The following FRMD3 variants were observed in gnomAD, a reference collection of about 807,000 sequenced individuals.
FRMD3 encodes the protein FERM domain containing 3, also known as FERM domain-containing protein 3.
In FRMD3, 33 loss-of-function variants were observed where a neutral mutation model predicts 70.2. The ratio of observed to expected loss-of-function variants is 0.47; its 90% CI spans 0.36 to 0.63. FRMD3 has a LOEUF of 0.63. Among genes scored for constraint, FRMD3 ranks in the 20% least tolerant of loss-of-function variants. The pLI is 0.00. For synonymous variants in FRMD3, 279 were observed against 255.9 expected, an observed-to-expected ratio of 1.09 and a Z score of -0.86; for missense variants, 632 against 711.4, an observed-to-expected ratio of 0.89 and a Z score of 1.27.
At chr9:83,365,945 G>A (rs1212965568) in intron 3 of FRMD3, among the ~76,000 whole-genome samples, 1 of 152,092 alleles carries the variant, frequency 6.6e-6, no homozygotes, top group Non-Finnish European at 1.5e-5. Flanking sequence ...TAAGGCCATG[G>A]CAGGAACCAC....
chr9:83,574,678 G>A, the FRMD3 span, among the ~76,000 whole-genome samples: 1 of 152,118 alleles, frequency 6.6e-6, no homozygotes, highest in East Asian at 1.9e-4. Context: ...AGGTTAGCAA[G>A]GTGGCTTTCT....
At chr9:83,331,396 C>T (rs771360948) in intron 6 of FRMD3, among the ~76,000 whole-genome samples, 2 of 152,048 alleles carry the variant, frequency 1.3e-5, no homozygotes, top group Non-Finnish European at 1.5e-5. Flanking sequence ...CTGGGTAAGG[C>T]AAAAGCTATA....
intron 6 of FRMD3, among the ~76,000 whole-genome samples, chr9:83,333,281 C>G (rs1823453895): frequency 6.6e-6 from 1 of 152,210 alleles, no homozygotes; most frequent in Non-Finnish European, 1.5e-5. Flanking sequence ...CAACTCCCAA[C>G]TCTTCACAAA....
chr9:83,409,767 C>T (rs1230859411), intron 1 of FRMD3, among the ~76,000 whole-genome samples: 1 of 152,190 alleles, frequency 6.6e-6, no homozygotes, highest in African/African-American at 2.4e-5. Flanking sequence ...AGAGCTGGAC[C>T]CAGGACATGA....
intron 6 of FRMD3, among the ~76,000 whole-genome samples, chr9:83,328,051 AG>A (rs1836091669): frequency 6.6e-6 from 1 of 152,198 alleles, no homozygotes; most frequent in Non-Finnish European, 1.5e-5. Context: ...CAAGGCTTAT[AG>A]GAGAGCAGCA....
rs1464440662 is a variant in FRMD3, at chr9:83,248,349, G to C, written c.1363C>G (p.Pro455Ala). 6.2e-7 allele frequency: 1 copy of C among 1,614,128 alleles called. No individual in the cohort carries two copies. The highest frequency in any genetic ancestry group is 1.3e-5 in the African/African-American group (1 of 75,030). The change falls in exon 14 of 14, where the codon CCC becomes GCC. Residue 455 changes from proline to alanine, a missense_variant. By Grantham distance (27) the Pro-to-Ala change is conservative. This residue lies in a region of FRMD3 where 418 missense variants were observed against 442.1 expected (regional missense o/e 0.95). Transcript: ENST00000304195. ...LVYNPSASLL[P>A]TPVDDDEIDM... ...ATCTCATCGTCATCCACAGGGGTGG[G>C]GAGCAGGCTGGCACTTGGGTTGTAC...
intron 1 of FRMD3, among the ~76,000 whole-genome samples, chr9:83,500,493 T>G (rs1829038384): frequency 8.4e-6 from 1 of 118,518 alleles, no homozygotes; most frequent in Admixed American, 8.6e-5. Context: ...GTGCTTGGCG[T>G]GTATGCGCGC....
intron 1 of FRMD3, among the ~76,000 whole-genome samples, chr9:83,427,571 A>G (rs946951723): frequency 6.6e-6 from 1 of 152,212 alleles, no homozygotes; most frequent in Non-Finnish European, 1.5e-5. Flanking sequence ...CCTAATAGGT[A>G]CAAGCAAGAA....
chr9:83,285,198 C>G (rs1834153675), intron 13 of FRMD3, among the ~76,000 whole-genome samples: 1 of 152,184 alleles, frequency 6.6e-6, no homozygotes. Context: ...ACACACTTGC[C>G]ATCACATGCA....
intron 1 of FRMD3, among the ~76,000 whole-genome samples, chr9:83,458,332 C>T (rs943283907): frequency 6.6e-6 from 1 of 152,214 alleles, no homozygotes; most frequent in East Asian, 1.9e-4. Context: ...TTTCTACAAG[C>T]ATTAAGTAAA....
intron 13 of FRMD3, among the ~76,000 whole-genome samples, chr9:83,287,168 G>A (rs1834251965): frequency 6.6e-6 from 1 of 152,168 alleles, no homozygotes; most frequent in African/African-American, 2.4e-5. Context: ...TGGTTCCTGT[G>A]TAGTCTGTGC....
At chr9:83,254,874 C>T (rs2092036489) in intron 13 of FRMD3, among the ~76,000 whole-genome samples, 1 of 152,064 alleles carries the variant, frequency 6.6e-6, no homozygotes, top group African/African-American at 2.4e-5. Flanking sequence ...GAAATTGAGG[C>T]TGTAATAAAT....
At chr9:83,554,717 T>A in the FRMD3 span, among the ~76,000 whole-genome samples, 1 of 152,200 alleles carries the variant, frequency 6.6e-6, no homozygotes, top group Non-Finnish European at 1.5e-5. Flanking sequence ...AGGCTTTTGG[T>A]TGCCTCCGGA....
At chr9:83,412,269 TAC>T (rs1446329425) in intron 1 of FRMD3, among the ~76,000 whole-genome samples, 21 of 152,262 alleles carry the variant, frequency 1.4e-4, no homozygotes, top group African/African-American at 5.1e-4. Context: ...TGTATAAATA[TAC>T]AGTCCATTTG....
chr9:83,446,646 CAAAAA>C (rs780150860), intron 1 of FRMD3, among the ~76,000 whole-genome samples: 4 of 83,328 alleles, frequency 4.8e-5, no homozygotes, highest in African/African-American at 4.7e-5. Flanking sequence ...GACTCGGTCT[CAAAAA>C]AAAAAAAAAA....
chr9:83,412,909 C>T (rs1025267234), intron 1 of FRMD3, among the ~76,000 whole-genome samples: 3 of 151,944 alleles, frequency 2.0e-5, no homozygotes, highest in South Asian at 2.1e-4. Context: ...ACAGGAGAAT[C>T]GCTCGAACCC....
chr9:83,377,257 A>C (rs1418962954), intron 2 of FRMD3, among the ~76,000 whole-genome samples: 2 of 152,240 alleles, frequency 1.3e-5, no homozygotes, highest in African/African-American at 4.8e-5. Context: ...ATATGTAAGC[A>C]TCTAAATATA....
At chr9:83,409,826 C>T (rs914353124) in intron 1 of FRMD3, among the ~76,000 whole-genome samples, 1 of 152,198 alleles carries the variant, frequency 6.6e-6, no homozygotes, top group Admixed American at 6.5e-5. Context: ...CACCAAGTCA[C>T]TGGTCCTCAA....
At position 83,313,726 on chromosome 9, in the gene FRMD3, A is replaced by T. The variant is rs749029923; in HGVS notation, c.618T>A (p.Ala206=). The change falls in exon 7 of 14, where the codon GCT becomes GCA. Residue 206 remains alanine, a synonymous_variant. Coordinates refer to ENST00000304195, the MANE Select transcript of FRMD3 (RefSeq NM_174938.6). Reference sequence around the variant, plus strand: ...GAGCTTTCAGGAGCAAGTTAAATTCAGCAACTGGTGGGCTCTGCCCCCTAA... The same window carrying T: ...GAGCTTTCAGGAGCAAGTTAAATTCTGCAACTGGTGGGCTCTGCCCCCTAA... ...NELRGQSPPV[A]EFNLLLKAHT... 1.9e-6 allele frequency: 3 copies of T among 1,614,170 alleles called. No homozygotes were observed. The South Asian group carries it at 3.3e-5, about 18-fold the overall frequency.
Sources: gnomAD v4.1 joint callset for allele counts (sites outside exome capture counted in the v4.1 genomes callset) on GRCh38, gnomAD v4.1.1 for gene constraint, gnomAD v4.1.1 regional missense constraint, MANE v1.5 for transcripts, NCBI Gene and HGNC (gene_info 2026-07-23, HGNC 2026-07-21) for gene names.